Variants in RASAL2 observed in about 807,000 individuals in gnomAD.
The protein encoded by RASAL2 is ras GTPase-activating protein nGAP.
In RASAL2, 58 loss-of-function variants were observed where a neutral mutation model predicts 128.9. The observed-to-expected ratio is 0.45, with a 90% CI of 0.36 to 0.56. The LOEUF (loss-of-function observed/expected upper bound fraction) is 0.56. Among genes scored for constraint, RASAL2 ranks in the 20% least tolerant of loss-of-function variants. The pLI is 0.00. For missense variants in RASAL2, 1,360 were observed against 1,601.6 expected, an observed-to-expected ratio of 0.85 and a Z score of 2.57; for synonymous variants, 561 against 580.8, an observed-to-expected ratio of 0.97 and a Z score of 0.49.
chr1:178,141,094 G>A (rs1307751756), intron 1 of RASAL2, among the ~76,000 whole-genome samples: 1 of 152,024 alleles, frequency 6.6e-6, no homozygotes, highest in East Asian at 1.9e-4. Flanking sequence ...TATCACCAAG[G>A]GAATGGTGCC....
At chr1:178,319,985 T>G (rs970065331) in intron 3 of RASAL2, among the ~76,000 whole-genome samples, 60 of 151,930 alleles carry the variant, frequency 3.9e-4, no homozygotes, top group African/African-American at 1.3e-3. Flanking sequence ...GTGGATGTCC[T>G]TTCTGTTTGT....
chr1:178,149,250 A>T (rs1407071388), intron 1 of RASAL2, among the ~76,000 whole-genome samples: 2 of 152,158 alleles, frequency 1.3e-5, no homozygotes, highest in African/African-American at 2.4e-5. Context: ...TTTTGTGTGT[A>T]TGTGTTTACT....
chr1:178,188,355 C>T (rs896056907), intron 1 of RASAL2, among the ~76,000 whole-genome samples: 3 of 152,034 alleles, frequency 2.0e-5, no homozygotes, highest in African/African-American at 7.2e-5. Context: ...AAACATGACT[C>T]CTGCTTAAAA....
At chr1:178,139,603 A>G (rs1258413735) in intron 1 of RASAL2, among the ~76,000 whole-genome samples, 1 of 152,088 alleles carries the variant, frequency 6.6e-6, no homozygotes, top group East Asian at 1.9e-4. Context: ...AAAGTTACCT[A>G]TGATAGGTGA....
chr1:178,161,958 TTTTA>T (rs56767855), intron 1 of RASAL2, among the ~76,000 whole-genome samples: 3 of 150,398 alleles, frequency 2.0e-5, no homozygotes, highest in Non-Finnish European at 3.0e-5. Flanking sequence ...ATTTATTTAT[TTTTA>T]TTTATTTATT....
intron 17 of RASAL2, among the ~76,000 whole-genome samples, chr1:178,469,107 G>A (rs993207381): frequency 7.5e-4 from 114 of 152,234 alleles, no homozygotes; most frequent in African/African-American, 2.7e-3. Context: ...AGACCAGCCT[G>A]GGTAACATGG....
At chr1:178,411,653 A>G in intron 4 of RASAL2, 1 of 811,046 alleles carries the variant, frequency 1.2e-6, no homozygotes, top group East Asian at 2.4e-5. Context: ...GGTGTCTGCC[A>G]TATCTTTGCA....
intron 2 of RASAL2, among the ~76,000 whole-genome samples, chr1:178,286,458 T>C (rs1391459888): frequency 6.6e-6 from 1 of 152,154 alleles, no homozygotes; most frequent in East Asian, 1.9e-4. Flanking sequence ...TTTCTCAAGC[T>C]GGAGTGCAAT....
At chr1:178,457,577 G>T (rs1286994636) in intron 13 of RASAL2, 106 bp from the exon 14 acceptor site, 18 of 1,123,136 alleles carry the variant, frequency 1.6e-5, no homozygotes, top group Middle Eastern at 2.0e-4. Context: ...AGAAATGTAC[G>T]TATCCACATA....
chr1:178,290,169 T>C (rs1195974545), intron 2 of RASAL2, among the ~76,000 whole-genome samples: 1 of 152,244 alleles, frequency 6.6e-6, no homozygotes, highest in Non-Finnish European at 1.5e-5. Flanking sequence ...AGATTTTGTT[T>C]GTTTTGTTCA....
chr1:178,284,743 A>G (rs1666939282), intron 2 of RASAL2, among the ~76,000 whole-genome samples: 1 of 152,254 alleles, frequency 6.6e-6, no homozygotes, highest in Non-Finnish European at 1.5e-5. Context: ...ATATAAAAAA[A>G]TAAGTGAATA....
intron 13 of RASAL2, 108 bp from the exon 14 acceptor site, chr1:178,457,575 A>G: frequency 9.1e-7 from 1 of 1,101,304 alleles, no homozygotes; most frequent in Non-Finnish European, 1.3e-6. Context: ...AAAGAAATGT[A>G]CGTATCCACA....
At chr1:178,468,284 G>T (rs966424393) in intron 17 of RASAL2, among the ~76,000 whole-genome samples, 3 of 152,190 alleles carry the variant, frequency 2.0e-5, no homozygotes, top group South Asian at 2.1e-4. Context: ...GAAGATAGCC[G>T]ATCCAGGTTT....
At chr1:178,118,129 C>T (rs973883266) in intron 1 of RASAL2, among the ~76,000 whole-genome samples, 1 of 150,946 alleles carries the variant, frequency 6.6e-6, no homozygotes, top group Non-Finnish European at 1.5e-5. Flanking sequence ...CACCATTGCA[C>T]TCCAGCCTGA....
At chr1:178,109,675 A>G (rs936198336) in intron 1 of RASAL2, among the ~76,000 whole-genome samples, 2 of 152,112 alleles carry the variant, frequency 1.3e-5, no homozygotes, top group African/African-American at 4.8e-5. Context: ...CAGTTTAGCA[A>G]TGGGAAGTGA....
intron 1 of RASAL2, among the ~76,000 whole-genome samples, chr1:178,191,739 A>G (rs1305813704): frequency 6.6e-6 from 1 of 152,192 alleles, no homozygotes; most frequent in African/African-American, 2.4e-5. Flanking sequence ...TGTGATATCA[A>G]TTCATTTATT....
chr1:178,364,777 A>G (rs191531270), intron 3 of RASAL2, among the ~76,000 whole-genome samples: 72 of 152,318 alleles, frequency 4.7e-4, no homozygotes, highest in Admixed American at 2.4e-3. Flanking sequence ...TGTATATACT[A>G]TGAGTAAAAT....
At chr1:178,410,278 A>T (rs557267148) in intron 4 of RASAL2, among the ~76,000 whole-genome samples, 1 of 152,300 alleles carries the variant, frequency 6.6e-6, no homozygotes, top group South Asian at 2.1e-4. Flanking sequence ...TCTCTGAATG[A>T]TGATAAGATC....
At position 178,433,678 on chromosome 1, in the gene RASAL2, T is replaced by C. The variant is rs187202729; in HGVS notation, c.675-5744T>C. 6.9e-3 allele frequency among the ~76,000 whole-genome samples: 1,053 copies of C among 152,146 alleles called. 9 individuals are homozygous for C. The highest frequency in any genetic ancestry group is 0.024 in the African/African-American group (992 of 41,530). On this transcript the variant is annotated intron_variant, in intron 5 of 17. Transcript: ENST00000367649. ...CTGTAATCCTAGCACTTTGGAAGGC[T>C]GAGGCGGGCGGATCACCTGAGGTCA...
Sources: gnomAD v4.1 joint callset for allele counts (sites outside exome capture counted in the v4.1 genomes callset) on GRCh38, gnomAD v4.1.1 for gene constraint, MANE v1.5 for transcripts, NCBI Gene and HGNC (gene_info 2026-07-23, HGNC 2026-07-21) for gene names.